GNG12: variants seen among roughly 807,000 people sequenced by gnomAD.
GNG12 encodes G protein subunit gamma 12.
For missense variants in GNG12, 69 were observed against 83.8 expected (o/e 0.82, Z 0.69); for synonymous variants, 28 against 29.7 (o/e 0.94, Z 0.19).
intron 1 of GNG12, among the ~76,000 whole-genome samples, chr1:67,823,020 G>C (rs189254730): frequency 2.6e-4 from 39 of 152,226 alleles, no homozygotes; most frequent in Admixed American, 1.2e-3. Context: ...CTTACATTGT[G>C]CTTTTACTTT....
chr1:67,784,635 C>A (rs988952371), intron 1 of GNG12, among the ~76,000 whole-genome samples: 1 of 151,830 alleles, frequency 6.6e-6, no homozygotes, highest in African/African-American at 2.4e-5. Context: ...TTTGGTTATT[C>A]GTATACTATG....
chr1:67,770,236 A>G (rs1646666132), intron 2 of GNG12, among the ~76,000 whole-genome samples: 1 of 152,206 alleles, frequency 6.6e-6, no homozygotes, highest in Non-Finnish European at 1.5e-5. Flanking sequence ...TTCTGTGAGT[A>G]AGATTCTTTG....
At chr1:67,833,190 CTCCT>C (rs1368486375) in intron 1 of GNG12, among the ~76,000 whole-genome samples, 150 bp downstream of exon 1, 1 of 151,992 alleles carries the variant, frequency 6.6e-6, no homozygotes, top group African/African-American at 2.4e-5. Context: ...ACACTCTTCC[CTCCT>C]TCCTTCCTTC....
intron 2 of GNG12, among the ~76,000 whole-genome samples, chr1:67,734,554 T>A (rs1455956693): frequency 6.6e-6 from 1 of 151,956 alleles, no homozygotes; most frequent in East Asian, 1.9e-4. Context: ...ACCTAGGGAG[T>A]AGCAGATATG....
chr1:67,830,072 C>G (rs1461356642), intron 1 of GNG12, among the ~76,000 whole-genome samples: 1 of 143,136 alleles, frequency 7.0e-6, no homozygotes, highest in Non-Finnish European at 1.5e-5. Flanking sequence ...ATGGCACGAT[C>G]TCGATTCACC....
chr1:67,833,335 G>T lies in GNG12; in HGVS notation c.-77+9C>A. On this transcript the variant is annotated intron_variant, in intron 1 of 3. Transcript: ENST00000370982. Reference sequence around the variant, plus strand: ...GACTCACCACCCGCGCCCGCCGCTTGGTACTCACCCGCCTGCCGGTGCGCT... The same window carrying T: ...GACTCACCACCCGCGCCCGCCGCTTTGTACTCACCCGCCTGCCGGTGCGCT... The T allele has an allele frequency of 3.1e-6, 3 of 966,192 alleles. No individual in the cohort carries two copies. Among genetic ancestry groups the T allele is most frequent in the South Asian group, 4.6e-5 (1 of 21,506 alleles). The allele number at this position is 966,192 out of a possible 1,614,324, so 59.9% of individuals were successfully genotyped here. A position where few individuals can be genotyped will look rare whatever the true frequency, so the allele number is the denominator to read the frequency against.
intron 2 of GNG12, among the ~76,000 whole-genome samples, chr1:67,749,346 T>A (rs1646525505): frequency 6.6e-6 from 1 of 151,836 alleles, no homozygotes; most frequent in South Asian, 2.1e-4. Context: ...GTATTAGGAG[T>A]TTTAATAATA....
chr1:67,789,853 C>T (rs1325629605), intron 1 of GNG12, among the ~76,000 whole-genome samples: 2 of 152,148 alleles, frequency 1.3e-5, no homozygotes, highest in South Asian at 2.1e-4. Flanking sequence ...CTGTGAGCCT[C>T]CCTCCAAGAC....
intron 1 of GNG12, among the ~76,000 whole-genome samples, chr1:67,830,448 TG>T (rs1269354089): frequency 6.6e-6 from 1 of 152,222 alleles, no homozygotes; most frequent in African/African-American, 2.4e-5. Context: ...ACACTTCTTA[TG>T]GCTTATCTGT....
chr1:67,804,201 A>C (rs985796210), intron 1 of GNG12, among the ~76,000 whole-genome samples: 2 of 152,330 alleles, frequency 1.3e-5, no homozygotes, highest in Admixed American at 1.3e-4. Flanking sequence ...ACATGATACT[A>C]TTACTTTCTC....
intron 2 of GNG12, among the ~76,000 whole-genome samples, chr1:67,729,284 C>T (rs750180818): frequency 1.3e-5 from 2 of 152,324 alleles, no homozygotes; most frequent in African/African-American, 4.8e-5. Context: ...GGGGACCTGT[C>T]TGTGAGACCC....
intron 2 of GNG12, among the ~76,000 whole-genome samples, chr1:67,718,920 A>G (rs944466755): frequency 1.4e-4 from 21 of 152,200 alleles, no homozygotes; most frequent in African/African-American, 4.8e-4. Flanking sequence ...TATGCCCATC[A>G]ATGTCAATAC....
Position 67,830,002 on chromosome 1 carries a change from CTTT to C in GNG12, c.-77+3339_-77+3341del, listed in dbSNP as rs35214495. Among the ~76,000 whole-genome samples, 176 of 117,364 alleles carry C rather than the reference CTTT, an allele frequency of 1.5e-3. 2 individuals carry two copies. The highest frequency in any genetic ancestry group is 0.011 in the South Asian group (38 of 3,472). The allele number at this position is 117,364 out of a possible 152,430, so 77.0% of individuals were successfully genotyped here. The stretch of plus-strand genomic sequence containing the variant: ...AAAGGGTTTGTTTTAAAGATGGAGG[CTTT>C]TTTTTTTTTTTTTTTTGAGACAGAG... On this transcript the variant is annotated intron_variant, in intron 1 of 3. Coordinates refer to ENST00000370982, the MANE Select transcript of GNG12 (RefSeq NM_018841.6).
chr1:67,757,111 T>C (rs1393727827), intron 2 of GNG12, among the ~76,000 whole-genome samples: 1 of 152,262 alleles, frequency 6.6e-6, no homozygotes, highest in Non-Finnish European at 1.5e-5. Context: ...CATAATGAGA[T>C]ATCTTGGGGA....
chr1:67,754,677 C>T (rs776526105), intron 2 of GNG12, among the ~76,000 whole-genome samples: 20 of 152,276 alleles, frequency 1.3e-4, no homozygotes, highest in Admixed American at 3.9e-4. Context: ...GTTTAGATAT[C>T]GCTTCCTGCA....
chr1:67,772,914 C>G (rs1646683259), intron 2 of GNG12, among the ~76,000 whole-genome samples: 1 of 152,174 alleles, frequency 6.6e-6, no homozygotes, highest in Admixed American at 6.5e-5. Context: ...GCTACCTCTG[C>G]CACCATGGTG....
At chr1:67,801,428 G>A (rs1477213485) in intron 1 of GNG12, among the ~76,000 whole-genome samples, 1 of 152,158 alleles carries the variant, frequency 6.6e-6, no homozygotes, top group Non-Finnish European at 1.5e-5. Context: ...AGGTCTTTGG[G>A]CACCAAATCC....
chr1:67,830,874 T>C (rs1232451074), intron 1 of GNG12, among the ~76,000 whole-genome samples: 1 of 152,188 alleles, frequency 6.6e-6, no homozygotes, highest in Non-Finnish European at 1.5e-5. Context: ...TCCAGTAGCC[T>C]GCTGCTTGAA....
intron 1 of GNG12, among the ~76,000 whole-genome samples, chr1:67,826,630 T>C (rs1171608196): frequency 6.6e-6 from 1 of 152,228 alleles, no homozygotes; most frequent in African/African-American, 2.4e-5. Context: ...GTCTAAAGGT[T>C]ACACCTTTCT....
Sources: allele counts gnomAD v4.1 joint callset (sites outside exome capture counted in the v4.1 genomes callset), GRCh38; gene constraint gnomAD v4.1.1; transcripts MANE v1.5; gene names NCBI Gene and HGNC (gene_info 2026-07-23, HGNC 2026-07-21).